The following EFCAB6 variants were observed in gnomAD, a reference collection of about 807,000 sequenced individuals.
EFCAB6 encodes the protein EF-hand calcium-binding domain-containing protein 6.
In EFCAB6, 156 loss-of-function variants were observed where a neutral mutation model predicts 169.8. The observed-to-expected ratio is 0.92, with a 90% CI of 0.81 to 1.05. EFCAB6 has a LOEUF of 1.05. Ranked by LOEUF, EFCAB6 falls within the 50% of genes least tolerant of loss-of-function variation. EFCAB6 has a pLI of 0.00. For synonymous variants in EFCAB6, 698 were observed against 676.4 expected (o/e 1.03, Z -0.50); for missense variants, 1,800 against 1,829.1 (o/e 0.98, Z 0.29).
At chr22:43,579,766 G>A (rs1018076882) in intron 25 of EFCAB6, among the ~76,000 whole-genome samples, 5 of 147,228 alleles carry the variant, frequency 3.4e-5, no homozygotes, top group Non-Finnish European at 6.0e-5. Flanking sequence ...TTCCGTACAC[G>A]CAGGCATCAT....
intron 21 of EFCAB6, among the ~76,000 whole-genome samples, chr22:43,609,738 G>A (rs2053173913): frequency 6.6e-6 from 1 of 152,130 alleles, no homozygotes. Context: ...TGTGGAACTC[G>A]ACAAAGCGAT....
At chr22:43,648,035 C>T in intron 17 of EFCAB6, among the ~76,000 whole-genome samples, 1 of 152,030 alleles carries the variant, frequency 6.6e-6, no homozygotes, top group East Asian at 1.9e-4. Flanking sequence ...AGTTTCCTAA[C>T]CCTAACCCTA....
At chr22:43,718,063 C>CCCATCCATCCATCCAT (rs71188406) in intron 8 of EFCAB6, among the ~76,000 whole-genome samples, 2,103 of 132,000 alleles carry the variant, frequency 0.016, 44 homozygotes, top group African/African-American at 0.04. Flanking sequence ...CATCCATCCA[C>CCCATCCATCCATCCAT]CCATCCATCC....
intron 13 of EFCAB6, among the ~76,000 whole-genome samples, chr22:43,674,453 G>A (rs983651464): frequency 5.3e-5 from 8 of 152,166 alleles, no homozygotes; most frequent in Non-Finnish European, 1.2e-4. Flanking sequence ...GCTGAGCTCT[G>A]GAGATGGTAA....
chr22:43,632,144 G>A lies in EFCAB6; in HGVS notation c.2193C>T (p.Cys731=). The A allele has an allele frequency of 3.1e-6, 5 of 1,614,118 alleles. No individual in the cohort carries two copies. In the South Asian group the frequency reaches 5.5e-5, roughly 18 times the overall value. The change falls in exon 19 of 32, where the codon TGC becomes TGT. Residue 731 remains cysteine (C), a synonymous_variant. Transcript: ENST00000262726. ...TCAGCCTCCTAGGGAAAAGCTTCAG[G>A]CATTCTTCTGCGGTGATAAAGTGGC... ...VNSHFITAEE[C]LKLFPRRLKE...
chr22:43,536,234 C>T (rs895596606), intron 29 of EFCAB6: 5 of 152,076 alleles, frequency 3.3e-5, no homozygotes, highest in African/African-American at 4.8e-5. Context: ...AACCAACATG[C>T]GTGTTTTGGC....
At chr22:43,550,186 G>A (rs866367833) in intron 27 of EFCAB6, among the ~76,000 whole-genome samples, 1 of 152,086 alleles carries the variant, frequency 6.6e-6, no homozygotes, top group South Asian at 2.1e-4. Flanking sequence ...AGGAGCCTGG[G>A]GGGTACTGTG....
chr22:43,714,884 T>C (rs1709499931), intron 9 of EFCAB6, among the ~76,000 whole-genome samples: 1 of 152,176 alleles, frequency 6.6e-6, no homozygotes, highest in Non-Finnish European at 1.5e-5. Context: ...AGTGCTGCAC[T>C]ATCGTGATGC....
chr22:43,561,092 C>G (rs563845050), intron 26 of EFCAB6, among the ~76,000 whole-genome samples: 40 of 152,266 alleles, frequency 2.6e-4, no homozygotes, highest in African/African-American at 9.6e-4. Context: ...GGTGCAGTGG[C>G]TCACACCTGT....
At chr22:43,581,392 A>T (rs942238923) in intron 24 of EFCAB6, among the ~76,000 whole-genome samples, 1 of 149,820 alleles carries the variant, frequency 6.7e-6, no homozygotes, top group African/African-American at 2.4e-5. Context: ...ATCCACCTGC[A>T]TCGATGGCTC....
At chr22:43,582,365 C>CAT (rs766992521) in intron 24 of EFCAB6, among the ~76,000 whole-genome samples, 1 of 151,352 alleles carries the variant, frequency 6.6e-6, no homozygotes, top group Non-Finnish European at 1.5e-5. Flanking sequence ...CACACACACA[C>CAT]ACATACACAC....
At position 43,626,591 on chromosome 22, in the gene EFCAB6, A is replaced by G; in HGVS notation, c.2321T>C (p.Leu774Pro). 6.2e-7 allele frequency: 1 copy of G among 1,614,254 alleles called. No individual in the cohort carries two copies. Among genetic ancestry groups the G allele is most frequent in the Non-Finnish European group, 8.5e-7 (1 of 1,180,046 alleles). ...AAACTCGTCGTCTTTGAGATTAAGCAGTAGATGCAGGAGCAGTCTGTGAAG... is the reference window on the plus strand; with the variant it reads ...AAACTCGTCGTCTTTGAGATTAAGCGGTAGATGCAGGAGCAGTCTGTGAAG... The part of the protein sequence containing the change: ...HDLHRLLLHL[L>P]LNLKDDEFER... The change falls in exon 20 of 32, where the codon CTG (leucine) becomes CCG (proline). Residue 774 changes from leucine to proline, a missense_variant. By Grantham distance (98) the Leu-to-Pro change is moderately conservative (BLOSUM62 -3). Coordinates refer to ENST00000262726, the MANE Select transcript of EFCAB6 (RefSeq NM_022785.4).
intron 4 of EFCAB6, among the ~76,000 whole-genome samples, chr22:43,765,979 G>T (rs1837462705): frequency 1.3e-5 from 2 of 152,294 alleles, no homozygotes; most frequent in Middle Eastern, 3.4e-3. Flanking sequence ...GTACACTGAT[G>T]TTTTTGGGGT....
intron 6 of EFCAB6, among the ~76,000 whole-genome samples, chr22:43,755,525 A>C (rs1175252402): frequency 6.6e-6 from 1 of 152,260 alleles, no homozygotes; most frequent in Admixed American, 6.5e-5. Flanking sequence ...AAAAGTAATT[A>C]ATATTCCAGG....
At chr22:43,787,356 A>G (rs1054846868) in intron 2 of EFCAB6, among the ~76,000 whole-genome samples, 17 of 92,062 alleles carry the variant, frequency 1.8e-4, no homozygotes, top group Admixed American at 1.7e-3. Context: ...ACATATGCAC[A>G]CACACACACA....
At chr22:43,595,692 T>C (rs2051945308) in intron 23 of EFCAB6, among the ~76,000 whole-genome samples, 1 of 152,136 alleles carries the variant, frequency 6.6e-6, no homozygotes, top group East Asian at 1.9e-4. Flanking sequence ...ATACCAACTC[T>C]ACCCAAACTT....
intron 1 of EFCAB6, among the ~76,000 whole-genome samples, chr22:43,811,087 C>T (rs926356578): frequency 9.9e-5 from 15 of 151,968 alleles, no homozygotes; most frequent in Non-Finnish European, 2.1e-4. Context: ...TGAAACCAAC[C>T]TGGCCAACAT....
chr22:43,613,121 T>C (rs548804751), intron 21 of EFCAB6, among the ~76,000 whole-genome samples: 28 of 147,934 alleles, frequency 1.9e-4, no homozygotes, highest in African/African-American at 6.9e-4. Context: ...AATATAAATA[T>C]ATTTATATAA....
intron 20 of EFCAB6, among the ~76,000 whole-genome samples, chr22:43,621,835 G>C (rs2054134494): frequency 6.6e-6 from 1 of 152,110 alleles, no homozygotes; most frequent in African/African-American, 2.4e-5. Flanking sequence ...AACTATGAAA[G>C]TGATAAATGA....
Sources: gnomAD v4.1 joint callset for allele counts (sites outside exome capture counted in the v4.1 genomes callset) on GRCh38, gnomAD v4.1.1 for gene constraint, MANE v1.5 for transcripts, NCBI Gene and HGNC (gene_info 2026-07-23, HGNC 2026-07-21) for gene names.